AGBL4: variants seen among roughly 807,000 people sequenced by gnomAD.
AGBL4 encodes cytosolic carboxypeptidase 6.
Under a neutral mutation model 66.4 loss-of-function variants are expected in AGBL4, and 58 were observed. The ratio of observed to expected loss-of-function variants is 0.87; its 90% CI spans 0.71 to 1.09. The LOEUF (loss-of-function observed/expected upper bound fraction) is 1.09. Among genes scored for constraint, AGBL4 ranks in the 50% least tolerant of loss-of-function variants. The probability of loss-of-function intolerance (pLI) is 0.00; values close to 1 mark genes in which losing one functional copy is unlikely to be tolerated. For synonymous variants in AGBL4, 234 were observed against 222.9 expected (o/e 1.05, Z -0.44); for missense variants, 579 against 631.0 (o/e 0.92, Z 0.88).
chr1:49,573,324 A>G (rs970952362), intron 3 of AGBL4, among the ~76,000 whole-genome samples: 2 of 152,080 alleles, frequency 1.3e-5, no homozygotes, highest in African/African-American at 2.4e-5. Flanking sequence ...GCTGCTTAAT[A>G]TGGTTAGACA....
At chr1:49,439,557 CCG>C (rs2148666265) in intron 3 of AGBL4, among the ~76,000 whole-genome samples, 1 of 152,210 alleles carries the variant, frequency 6.6e-6, no homozygotes, top group Admixed American at 6.5e-5. Flanking sequence ...ATGCGAAGTA[CCG>C]ATCCTGGGTG....
chr1:49,409,634 A>G (rs1016698370), intron 3 of AGBL4, among the ~76,000 whole-genome samples: 1 of 152,218 alleles, frequency 6.6e-6, no homozygotes, highest in African/African-American at 2.4e-5. Context: ...GGCGCTGACT[A>G]TCTTTGTCAT....
intron 6 of AGBL4, among the ~76,000 whole-genome samples, chr1:48,857,645 C>T (rs987884591): frequency 5.9e-5 from 9 of 151,900 alleles, no homozygotes; most frequent in African/African-American, 7.3e-5. Context: ...GGTGTGAACC[C>T]GGAAGGTGGA....
At chr1:48,655,803 T>C (rs570702160) in intron 7 of AGBL4, among the ~76,000 whole-genome samples, 7 of 152,304 alleles carry the variant, frequency 4.6e-5, no homozygotes, top group Non-Finnish European at 5.9e-5. Flanking sequence ...AAAACAGAAC[T>C]TGGGTTCTAG....
intron 6 of AGBL4, among the ~76,000 whole-genome samples, chr1:48,724,705 A>G (rs997345936): frequency 1.3e-5 from 2 of 152,184 alleles, no homozygotes; most frequent in East Asian, 3.8e-4. Flanking sequence ...AATTTCTATA[A>G]AGTAGTTTTT....
intron 3 of AGBL4, among the ~76,000 whole-genome samples, chr1:49,576,197 T>C (rs980417090): frequency 1.3e-5 from 2 of 152,188 alleles, no homozygotes; most frequent in South Asian, 2.1e-4. Context: ...CTGGAGGCAA[T>C]GCATTCCACA....
chr1:49,788,233 AGAC>A (rs1176007674), intron 2 of AGBL4, among the ~76,000 whole-genome samples: 26 of 152,340 alleles, frequency 1.7e-4, no homozygotes, highest in African/African-American at 5.3e-4. Context: ...AAAACCGCTT[AGAC>A]ATTCCACAGA....
chr1:49,747,087 G>A (rs1651044373), intron 2 of AGBL4, among the ~76,000 whole-genome samples: 1 of 152,130 alleles, frequency 6.6e-6, no homozygotes, highest in African/African-American at 2.4e-5. Flanking sequence ...GCATCTTTGA[G>A]TTAGTCAAAC....
At chr1:48,682,112 CAG>C (rs1318003166) in intron 6 of AGBL4, among the ~76,000 whole-genome samples, 13 of 152,188 alleles carry the variant, frequency 8.5e-5, no homozygotes, top group Non-Finnish European at 1.9e-4. Context: ...CATGTGAGGA[CAG>C]GGGAAAGATG....
chr1:49,284,376 T>A (rs566921489), intron 3 of AGBL4, among the ~76,000 whole-genome samples: 1 of 152,004 alleles, frequency 6.6e-6, no homozygotes, highest in East Asian at 1.9e-4. Context: ...AAGGAAGCGC[T>A]AAACAGGGAA....
At chr1:49,530,342 C>A (rs1651038848) in intron 3 of AGBL4, among the ~76,000 whole-genome samples, 1 of 144,014 alleles carries the variant, frequency 6.9e-6, no homozygotes, top group African/African-American at 2.6e-5. Context: ...GCACAACGTG[C>A]AGGTTTGTTA....
chr1:49,030,820 C>CAAAAAAAA (rs34872551), intron 5 of AGBL4, among the ~76,000 whole-genome samples: 1 of 62,084 alleles, frequency 1.6e-5, no homozygotes, highest in Non-Finnish European at 3.3e-5. Flanking sequence ...TAAGTAGAGG[C>CAAAAAAAA]AAAAAAAAAA....
chr1:48,688,684 T>C (rs1646572504), intron 6 of AGBL4, among the ~76,000 whole-genome samples: 1 of 152,110 alleles, frequency 6.6e-6, no homozygotes, highest in Non-Finnish European at 1.5e-5. Flanking sequence ...ACAAAGAGCA[T>C]TCCTGAGATT....
intron 5 of AGBL4, among the ~76,000 whole-genome samples, chr1:48,926,012 C>T (rs1352900801): frequency 6.6e-6 from 1 of 152,094 alleles, no homozygotes. Context: ...ATAATGATCT[C>T]CTGTGGTTAG....
At chr1:49,425,247 A>G (rs1441083706) in intron 3 of AGBL4, among the ~76,000 whole-genome samples, 1 of 152,164 alleles carries the variant, frequency 6.6e-6, no homozygotes, top group East Asian at 1.9e-4. Context: ...ATAAACTTTA[A>G]AAACTATCAA....
intron 3 of AGBL4, among the ~76,000 whole-genome samples, chr1:49,434,789 G>C (rs761973002): frequency 6.6e-6 from 1 of 151,778 alleles, no homozygotes; most frequent in Non-Finnish European, 1.5e-5. Flanking sequence ...AGGGGTTATA[G>C]AAAATGAGGG....
intron 9 of AGBL4, among the ~76,000 whole-genome samples, chr1:48,632,311 T>A (rs751597623): frequency 1.1e-4 from 17 of 152,370 alleles, no homozygotes; most frequent in Middle Eastern, 3.4e-3. Flanking sequence ...AATGTATTCA[T>A]GACGCAAATC....
intron 3 of AGBL4, among the ~76,000 whole-genome samples, chr1:49,555,971 C>T (rs975928974): frequency 5.9e-5 from 9 of 152,120 alleles, no homozygotes; most frequent in African/African-American, 1.2e-4. Flanking sequence ...GACAGTGTAG[C>T]GATTCCTCAG....
In AGBL4 at chr1:49,664,132, T is replaced by C. The variant is rs149386799; in HGVS notation, c.282+33181A>G. 2.6e-5 allele frequency among the ~76,000 whole-genome samples: 4 copies of C among 152,142 alleles called. No homozygotes were observed. In the East Asian group the frequency reaches 7.7e-4, roughly 29 times the overall value. ...TAAATAAAAACATGTTCTGGTGACA[T>C]GCTTGAGTTACAGCAATGAAAGAAG... On this transcript the variant is annotated intron_variant, in intron 3 of 13. Coordinates refer to ENST00000371839, the MANE Select transcript of AGBL4 (RefSeq NM_032785.4).
Sources: allele counts gnomAD v4.1 joint callset (sites outside exome capture counted in the v4.1 genomes callset), GRCh38; gene constraint gnomAD v4.1.1; transcripts MANE v1.5; gene names NCBI Gene and HGNC (gene_info 2026-07-23, HGNC 2026-07-21).